Variants in SLCO1B1 observed in about 807,000 individuals in gnomAD.
SLCO1B1 encodes the protein OATP-2.
SLCO1B1 carries 81 observed loss-of-function variants against 70.1 expected under a neutral mutation model. The observed-to-expected ratio is 1.16, with a 90% CI of 0.97 to 1.39. SLCO1B1 has a LOEUF of 1.39. Ranked by LOEUF, SLCO1B1 falls within the 40% of genes most tolerant of loss-of-function variation. The pLI is 0.00. For missense variants in SLCO1B1, 895 were observed against 799.6 expected, an observed-to-expected ratio of 1.12 and a Z score of -1.44; for synonymous variants, 283 against 271.5, an observed-to-expected ratio of 1.04 and a Z score of -0.42.
intron 1 of SLCO1B1, among the ~76,000 whole-genome samples, chr12:21,139,891 C>G (rs779512025): frequency 6.6e-6 from 1 of 151,832 alleles, no homozygotes; most frequent in Non-Finnish European, 1.5e-5. Context: ...CGAATGGGCC[C>G]CAAAGATAGT....
rs1941500572 is a variant in SLCO1B1, at chr12:21,228,270, G to GT, written c.1865+3431_1865+3432insT. On this transcript the variant is annotated intron_variant, in intron 14 of 14. Coordinates refer to ENST00000256958, the MANE Select transcript of SLCO1B1 (RefSeq NM_006446.5). ...GCAAATTGCCAATTTAAATTTCTCT[G>GT]GAAGGAACTTTAGTTCAACTGTATA... 2.0e-5 allele frequency among the ~76,000 whole-genome samples: 3 copies of GT among 152,166 alleles called. No individual in the cohort carries two copies. In the South Asian group the frequency reaches 6.2e-4, roughly 32 times the overall value.
chr12:21,236,556 A>C (rs1315569347), intron 14 of SLCO1B1, among the ~76,000 whole-genome samples: 1 of 152,162 alleles, frequency 6.6e-6, no homozygotes, highest in Non-Finnish European at 1.5e-5. Flanking sequence ...ACCCTGCATC[A>C]AGAGGGCAGA....
intron 11 of SLCO1B1, 142 bp from the exon 12 acceptor site, chr12:21,216,977 G>C: frequency 1.5e-6 from 1 of 673,444 alleles, no homozygotes; most frequent in Non-Finnish European, 2.6e-6. Flanking sequence ...TATCTCTTAA[G>C]CAACTGTATT....
intron 2 of SLCO1B1, among the ~76,000 whole-genome samples, chr12:21,145,473 ATTTT>A (rs35334634): frequency 2.6e-5 from 2 of 76,102 alleles, no homozygotes; most frequent in Non-Finnish European, 4.5e-5. Context: ...CATTTTTTTC[ATTTT>A]TTTTTTTTTT....
rs748259319 is a variant in SLCO1B1 at position 21,141,532 on chromosome 12, G to A, written c.-43G>A. The A allele has an allele frequency of 4.3e-6, 5 of 1,161,788 alleles. No homozygotes were observed. The African/African-American group carries it at 7.6e-5, about 18-fold the overall frequency. The allele number at this position is 1,161,788 out of a possible 1,614,324, so 72.0% of individuals were successfully genotyped here. A position where few individuals can be genotyped will look rare whatever the true frequency, so the allele number is the denominator to read the frequency against. On this transcript the variant is annotated 5_prime_UTR_variant, in exon 2 of 15. Transcript: ENST00000256958. Reference sequence around the variant, plus strand: ...TTAATAGGTGATTGTTTCAAACTGAGCATCAACAACAAAAACATTTGTATG... The same window carrying A: ...TTAATAGGTGATTGTTTCAAACTGAACATCAACAACAAAAACATTTGTATG...
intron 1 of SLCO1B1, among the ~76,000 whole-genome samples, chr12:21,132,877 T>A (rs1346677640): frequency 3.9e-5 from 6 of 152,182 alleles, no homozygotes; most frequent in African/African-American, 1.4e-4. Flanking sequence ...TTGCCATTGC[T>A]TTTGGTGTTT....
chr12:21,224,422 C>A (rs1377587707), intron 13 of SLCO1B1, among the ~76,000 whole-genome samples: 1 of 152,076 alleles, frequency 6.6e-6, no homozygotes, highest in Non-Finnish European at 1.5e-5. Flanking sequence ...GTTTTACTAA[C>A]AACATTCTCC....
At position 21,222,225 on chromosome 12, in the gene SLCO1B1, A is replaced by G. The variant is rs80094219; in HGVS notation, c.1683-75A>G. 3.6e-3 allele frequency: 2,401 copies of G among 669,744 alleles called. 37 individuals are homozygous for G. The African/African-American group carries it at 0.036, about 10-fold the overall frequency. The allele number at this position is 669,744 out of a possible 1,614,324, so 41.5% of individuals were successfully genotyped here. ...ATTCTATCATGGAGAAAAACAACACAGGAGAAGGTTTAATGTTGTTTCGTT... is the reference window on the plus strand; with the variant it reads ...ATTCTATCATGGAGAAAAACAACACGGGAGAAGGTTTAATGTTGTTTCGTT... On this transcript the variant is annotated intron_variant, in intron 12 of 14. Transcript: ENST00000256958.
At chr12:21,177,054 G>C (rs1253700956) in intron 5 of SLCO1B1, among the ~76,000 whole-genome samples, 157 bp downstream of exon 5, 1 of 152,134 alleles carries the variant, frequency 6.6e-6, no homozygotes, top group Non-Finnish European at 1.5e-5. Context: ...AATATACACA[G>C]TTCGCCCATT....
At chr12:21,222,277 T>G in intron 12 of SLCO1B1, 23 bp from the exon 13 acceptor site, 3 of 1,312,962 alleles carry the variant, frequency 2.3e-6, no homozygotes, top group Non-Finnish European at 3.1e-6. Flanking sequence ...ATTTAATGTT[T>G]CTTTGCCTTT....
chr12:21,200,369 G>GTAT, intron 8 of SLCO1B1, 139 bp from the exon 9 acceptor site: 1 of 494,350 alleles, frequency 2.0e-6, no homozygotes, highest in Non-Finnish European at 3.6e-6. Context: ...ACAGCCTGTG[G>GTAT]TATTGCAGGC....
chr12:21,204,744 C>T (rs1369665814), intron 10 of SLCO1B1, among the ~76,000 whole-genome samples: 1 of 151,672 alleles, frequency 6.6e-6, no homozygotes, highest in Non-Finnish European at 1.5e-5. Flanking sequence ...CATGTAAGAC[C>T]AAGGTGATGG....
At chr12:21,176,512 A>G (rs1214741580) in intron 4 of SLCO1B1, among the ~76,000 whole-genome samples, 1 of 152,120 alleles carries the variant, frequency 6.6e-6, no homozygotes, top group Non-Finnish European at 1.5e-5. Flanking sequence ...TATCTTGACC[A>G]AGATATAACC....
At chr12:21,190,348 G>A (rs1208832906) in intron 7 of SLCO1B1, among the ~76,000 whole-genome samples, 1 of 151,984 alleles carries the variant, frequency 6.6e-6, no homozygotes, top group East Asian at 1.9e-4. Flanking sequence ...AGCTTGTTGG[G>A]ACTGCTACTC....
At chr12:21,189,390 CATTT>C (rs1415681163) in intron 7 of SLCO1B1, among the ~76,000 whole-genome samples, 2 of 152,012 alleles carry the variant, frequency 1.3e-5, no homozygotes, top group Admixed American at 6.6e-5. Flanking sequence ...ACCTGTTGTT[CATTT>C]GTGTGTCTTC....
intron 1 of SLCO1B1, among the ~76,000 whole-genome samples, chr12:21,141,027 AG>A (rs888548792): frequency 7.2e-5 from 11 of 151,922 alleles, no homozygotes; most frequent in Non-Finnish European, 1.5e-4. Context: ...GCCTGATTCC[AG>A]TGGTGTCTCC....
intron 13 of SLCO1B1, 33 bp downstream of exon 13, chr12:21,222,397 A>AATATATATATATATATATATACATATAT (rs1941436474): frequency 1.0e-5 from 1 of 96,622 alleles, no homozygotes; most frequent in Non-Finnish European, 1.7e-5. Context: ...AAAAAAAAAA[A>AATATATATATATATATATATACATATAT]ATATATATAT....
intron 2 of SLCO1B1, among the ~76,000 whole-genome samples, chr12:21,172,312 G>A (rs1333650716): frequency 6.6e-6 from 1 of 152,108 alleles, no homozygotes; most frequent in Non-Finnish European, 1.5e-5. Flanking sequence ...TATTCATATG[G>A]AAATAAAGAA....
At position 21,131,712 on chromosome 12, in the gene SLCO1B1, A is replaced by G. The variant is rs71581976; in HGVS notation, c.-62+476A>G. The stretch of plus-strand genomic sequence containing the variant: ...TAAAAAACAGGTGTCTCAAAGTCAC[A>G]TAACCACCTCAGTTTCCTTGTTTCA... On this transcript the variant is annotated intron_variant, in intron 1 of 14. Coordinates refer to ENST00000256958, the MANE Select transcript of SLCO1B1 (RefSeq NM_006446.5). Among the ~76,000 whole-genome samples, 50 of 152,236 alleles carry G rather than the reference A, an allele frequency of 3.3e-4. 1 individual carries two copies. The highest frequency in any genetic ancestry group is 1.7e-3 in the South Asian group (8 of 4,830).
Sources: gnomAD v4.1 joint callset for allele counts (sites outside exome capture counted in the v4.1 genomes callset) on GRCh38, gnomAD v4.1.1 for gene constraint, MANE v1.5 for transcripts, NCBI Gene and HGNC (gene_info 2026-07-23, HGNC 2026-07-21) for gene names.